Variants in GDAP1 observed in about 807,000 individuals in gnomAD.
GDAP1 encodes the protein ganglioside induced differentiation associated protein 1.
GDAP1 carries 34 observed loss-of-function variants against 40.1 expected under a neutral mutation model. That is an observed-to-expected ratio of 0.85 (90% CI 0.64 to 1.13). The LOEUF is 1.13. GDAP1 is among the 50% of genes most tolerant of loss of function. The pLI is 0.00. For synonymous variants in GDAP1, 170 were observed against 157.4 expected, an observed-to-expected ratio of 1.08 and a Z score of -0.60; for missense variants, 374 against 433.7, an observed-to-expected ratio of 0.86 and a Z score of 1.22.
intron 2 of GDAP1, among the ~76,000 whole-genome samples, chr8:74,409,651 C>T (rs1487636707): frequency 6.7e-6 from 1 of 150,032 alleles, no homozygotes; most frequent in Admixed American, 6.6e-5. Context: ...CCGCACCTGA[C>T]CCTCAGTTCC....
At chr8:74,404,698 G>C (rs530777792) in intron 2 of GDAP1, among the ~76,000 whole-genome samples, 1 of 149,732 alleles carries the variant, frequency 6.7e-6, no homozygotes, top group Non-Finnish European at 1.5e-5. Flanking sequence ...TCTTTAGGGA[G>C]ACCGTTCTCT....
At chr8:74,412,422 G>A (rs1249223198) in intron 2 of GDAP1, among the ~76,000 whole-genome samples, 1 of 150,024 alleles carries the variant, frequency 6.7e-6, no homozygotes, top group Non-Finnish European at 1.5e-5. Context: ...TTCCAGAAAT[G>A]GCTAAAGACA....
At chr8:74,404,160 A>T (rs2131550758) in intron 2 of GDAP1, among the ~76,000 whole-genome samples, 1 of 149,954 alleles carries the variant, frequency 6.7e-6, no homozygotes, top group Middle Eastern at 3.4e-3. Flanking sequence ...CTCTCATTTG[A>T]TTGCTAAGTG....
At chr8:74,414,305 G>T (rs1805752260) in intron 2 of GDAP1, among the ~76,000 whole-genome samples, 1 of 150,064 alleles carries the variant, frequency 6.7e-6, no homozygotes, top group Non-Finnish European at 1.5e-5. Context: ...AAATACAATC[G>T]ACAGATGCCT....
Position 74,365,672 on chromosome 8 carries a change from A to G in GDAP1, c.*1305A>G, listed in dbSNP as rs1421357250. On this transcript the variant is annotated 3_prime_UTR_variant, in exon 6 of 6. Transcript: ENST00000220822. ...TATCATTAATAGGAAAGTCATACCT[A>G]GGAAACAATGACTTTTTGATGGCAA... The G allele has an allele frequency of 2.2e-6, 1 of 454,554 alleles. No homozygotes were observed. Among genetic ancestry groups the G allele is most frequent in the Admixed American group, 2.3e-5 (1 of 42,576 alleles). The allele number at this position is 454,554 out of a possible 1,614,324, so 28.2% of individuals were successfully genotyped here. A position where few individuals can be genotyped will look rare whatever the true frequency, so the allele number is the denominator to read the frequency against.
At chr8:74,351,542 TCTC>T (rs1563437768) in intron 2 of GDAP1, 76 bp downstream of exon 2, 1 of 1,038,370 alleles carries the variant, frequency 9.6e-7, no homozygotes, top group Non-Finnish European at 1.5e-6. Flanking sequence ...TTTTTCTCTC[TCTC>T]CTCTCTCTCT....
intron 2 of GDAP1, among the ~76,000 whole-genome samples, chr8:74,396,182 T>C (rs1344080352): frequency 6.6e-6 from 1 of 152,150 alleles, no homozygotes; most frequent in African/African-American, 2.4e-5. Context: ...TCCTCCCTTA[T>C]ACAGTTGGTT....
At chr8:74,371,427 G>C (rs573628711), downstream of GDAP1, among the ~76,000 whole-genome samples, 1 of 152,134 alleles carries the variant, frequency 6.6e-6, no homozygotes, top group Admixed American at 6.5e-5. Context: ...TTGGGAGGCC[G>C]AGGCGGGCGG....
At chr8:74,422,170 CTTTT>C (rs960470028) in intron 2 of GDAP1, among the ~76,000 whole-genome samples, 4 of 141,732 alleles carry the variant, frequency 2.8e-5, no homozygotes, top group Non-Finnish European at 4.4e-5. Flanking sequence ...TTCTTTCTTT[CTTTT>C]CTTTCTTTCT....
At chr8:74,356,659 AGTGTGTGTGTGT>A (rs144717682) in intron 2 of GDAP1, among the ~76,000 whole-genome samples, 1 of 122,960 alleles carries the variant, frequency 8.1e-6, no homozygotes, top group African/African-American at 3.0e-5. Context: ...AATATTATTT[AGTGTGTGTGTGT>A]GTGTGTGTGT....
At chr8:74,414,540 T>C (rs889731277) in intron 2 of GDAP1, among the ~76,000 whole-genome samples, 1 of 149,046 alleles carries the variant, frequency 6.7e-6, no homozygotes, top group African/African-American at 2.6e-5. Context: ...CTGAGCTCCA[T>C]AGCAGAATGG....
intron 2 of GDAP1, among the ~76,000 whole-genome samples, chr8:74,393,258 T>C (rs1319956304): frequency 6.6e-6 from 1 of 152,232 alleles, no homozygotes; most frequent in Non-Finnish European, 1.5e-5. Context: ...AACCTGGCAA[T>C]TTCTGATATG....
intron 2 of GDAP1, among the ~76,000 whole-genome samples, chr8:74,435,242 C>T (rs1806074045): frequency 6.6e-6 from 1 of 152,078 alleles, no homozygotes; most frequent in Non-Finnish European, 1.5e-5. Context: ...TCCTGAGGAG[C>T]TTACACCTTA....
At chr8:74,417,948 G>A (rs1805805676) in intron 2 of GDAP1, among the ~76,000 whole-genome samples, 1 of 152,048 alleles carries the variant, frequency 6.6e-6, no homozygotes, top group Admixed American at 6.5e-5. Flanking sequence ...CAATTCAATA[G>A]CTTTGAAATA....
At chr8:74,361,611 G>T (rs1809368097) in intron 3 of GDAP1, among the ~76,000 whole-genome samples, 1 of 152,062 alleles carries the variant, frequency 6.6e-6, no homozygotes, top group African/African-American at 2.4e-5. Context: ...TGGCCAAGAT[G>T]GTCTCGATCT....
At chr8:74,419,148 C>T (rs1222781264) in intron 2 of GDAP1, among the ~76,000 whole-genome samples, 1 of 152,144 alleles carries the variant, frequency 6.6e-6, no homozygotes, top group African/African-American at 2.4e-5. Flanking sequence ...CCTGCACTTA[C>T]CATATAACTC....
chr8:74,423,276 TATATA>T (rs912477182), intron 2 of GDAP1, among the ~76,000 whole-genome samples: 132 of 147,306 alleles, frequency 9.0e-4, no homozygotes, highest in African/African-American at 3.2e-3. Flanking sequence ...TATTATACTA[TATATA>T]ATATGATATG....
At chr8:74,451,451 GAAA>G (rs11323370) in intron 2 of GDAP1, among the ~76,000 whole-genome samples, 2 of 47,410 alleles carry the variant, frequency 4.2e-5, no homozygotes, top group Non-Finnish European at 7.6e-5. Flanking sequence ...CCCTGTCTCA[GAAA>G]AAAAAAAAAA....
intron 2 of GDAP1, among the ~76,000 whole-genome samples, chr8:74,465,081 G>A (rs539533257): frequency 1.3e-5 from 2 of 152,042 alleles, no homozygotes; most frequent in East Asian, 3.9e-4. Context: ...TTAGCTGGGC[G>A]TGGTAGCGTG....
Sources: allele counts gnomAD v4.1 joint callset (sites outside exome capture counted in the v4.1 genomes callset), GRCh38; gene constraint gnomAD v4.1.1; transcripts MANE v1.5; gene names NCBI Gene and HGNC (gene_info 2026-07-23, HGNC 2026-07-21).